SNX16: variants seen among roughly 807,000 people sequenced by gnomAD.
The protein encoded by SNX16 is sorting nexin 16.
Under a neutral mutation model 36.7 loss-of-function variants are expected in SNX16, and 35 were observed. The observed-to-expected ratio is 0.95, with a 90% confidence interval of 0.73 to 1.27. The LOEUF is 1.27. Ranked by LOEUF, SNX16 falls within the 50% of genes most tolerant of loss-of-function variation. The pLI is 0.00. For synonymous variants in SNX16, 134 were observed against 132.0 expected, an observed-to-expected ratio of 1.02 and a Z score of -0.10; for missense variants, 367 against 393.6, an observed-to-expected ratio of 0.93 and a Z score of 0.57.
chr8:81,826,075 A>G (rs1012178563), intron 3 of SNX16, among the ~76,000 whole-genome samples: 2 of 152,010 alleles, frequency 1.3e-5, no homozygotes, highest in African/African-American at 4.8e-5. Context: ...TTGTCCCACA[A>G]TTGGGTAATT....
At chr8:81,806,446 T>TCA (rs201933057) in intron 5 of SNX16, among the ~76,000 whole-genome samples, 36 of 151,132 alleles carry the variant, frequency 2.4e-4, no homozygotes, top group Non-Finnish European at 4.9e-4. Flanking sequence ...GTGAAAGCAT[T>TCA]CACACACACA....
At chr8:81,803,030 A>C in intron 6 of SNX16, 62 bp downstream of exon 6, 5 of 1,339,954 alleles carry the variant, frequency 3.7e-6, no homozygotes, top group Non-Finnish European at 4.9e-6. Flanking sequence ...TATAAAGGGC[A>C]GTTAGCCCAG....
At chr8:81,833,938 G>C (rs1356110124) in intron 2 of SNX16, among the ~76,000 whole-genome samples, 1 of 151,946 alleles carries the variant, frequency 6.6e-6, no homozygotes, top group Admixed American at 6.5e-5. Context: ...AGTTGTTTTT[G>C]AATTATAAAA....
rs538917854 is a variant in SNX16 at position 81,799,853 on chromosome 8, G to C, written c.*1644C>G. Reference sequence around the variant, plus strand: ...AGATACAGAATGGTACTGATTAAATGATTGTTCTTTTTAAGCCTTTTGTAA... The same window carrying C: ...AGATACAGAATGGTACTGATTAAATCATTGTTCTTTTTAAGCCTTTTGTAA... On this transcript the variant is annotated 3_prime_UTR_variant, in exon 8 of 8. Coordinates refer to ENST00000345957, the MANE Select transcript of SNX16 (RefSeq NM_152836.3). 1.4e-3 allele frequency: 207 copies of C among 151,912 alleles called. 1 individual carries two copies. The highest frequency in any genetic ancestry group is 4.8e-3 in the African/African-American group (199 of 41,518). 9.4% of individuals were successfully genotyped at this position (151,912 alleles called of 1,614,324 possible).
intron 4 of SNX16, among the ~76,000 whole-genome samples, chr8:81,819,553 T>C (rs747493204): frequency 1.3e-5 from 2 of 152,078 alleles, no homozygotes; most frequent in Non-Finnish European, 1.5e-5. Context: ...AAGTTCTCTT[T>C]TCCACCTTTA....
chr8:81,826,965 C>A (rs1355428186), intron 3 of SNX16, among the ~76,000 whole-genome samples: 1 of 152,006 alleles, frequency 6.6e-6, no homozygotes, highest in African/African-American at 2.4e-5. Flanking sequence ...AATGAAAAAT[C>A]CTAAGCTTTT....
chr8:81,808,588 T>C, intron 5 of SNX16: 4 of 971,130 alleles, frequency 4.1e-6, no homozygotes, highest in Admixed American at 3.4e-5. Context: ...TCTTCAAATT[T>C]TGGACCCATG....
intron 4 of SNX16, among the ~76,000 whole-genome samples, chr8:81,820,990 T>TA (rs1246401536): frequency 6.6e-6 from 1 of 151,286 alleles, no homozygotes; most frequent in South Asian, 2.1e-4. Flanking sequence ...CCATCACCTA[T>TA]AAAAAAGATA....
In SNX16 at chr8:81,830,710, A is replaced by G. The variant is rs376802381; in HGVS notation, c.376-1194T>C. On this transcript the variant is annotated intron_variant, in intron 2 of 7. Coordinates refer to ENST00000345957, the MANE Select transcript of SNX16 (RefSeq NM_152836.3). ...CTGCCCAAAGCAGTCTATAGATTCAATGGTATTCCTATCGAACTACCAACA... is the reference window on the plus strand; with the variant it reads ...CTGCCCAAAGCAGTCTATAGATTCAGTGGTATTCCTATCGAACTACCAACA... Among the ~76,000 whole-genome samples, 3 of 151,372 alleles carry G rather than the reference A, an allele frequency of 2.0e-5. No individual in the cohort carries two copies. In the East Asian group the frequency reaches 6.0e-4, roughly 30 times the overall value.
intron 1 of SNX16, chr8:81,840,300 T>A (rs1345733254): frequency 4.5e-6 from 1 of 221,700 alleles, no homozygotes; most frequent in Non-Finnish European, 8.9e-6. Flanking sequence ...TTACATGTTA[T>A]CCCTTTTTCC....
At chr8:81,817,665 T>G (rs1359347811) in intron 4 of SNX16, among the ~76,000 whole-genome samples, 1 of 152,152 alleles carries the variant, frequency 6.6e-6, no homozygotes, top group African/African-American at 2.4e-5. Context: ...ACTCAGTCAG[T>G]AAAGAAAGCA....
At chr8:81,816,868 T>C (rs1212135131) in intron 4 of SNX16, among the ~76,000 whole-genome samples, 1 of 152,180 alleles carries the variant, frequency 6.6e-6, no homozygotes, top group Non-Finnish European at 1.5e-5. Context: ...CTTTGGTTCA[T>C]TTGGATTCTC....
chr8:81,823,990 A>T, intron 3 of SNX16, 50 bp from the exon 4 acceptor site: 1 of 1,508,296 alleles, frequency 6.6e-7, no homozygotes, highest in East Asian at 2.3e-5. Flanking sequence ...AGCACTATCA[A>T]TTCTACAAAA....
At chr8:81,816,453 G>A in intron 4 of SNX16, among the ~76,000 whole-genome samples, 1 of 151,914 alleles carries the variant, frequency 6.6e-6, no homozygotes, top group East Asian at 1.9e-4. Context: ...GCCTTCCAAA[G>A]TGCTGGGATT....
intron 6 of SNX16, 55 bp downstream of exon 6, chr8:81,803,037 C>A: frequency 7.0e-7 from 1 of 1,423,738 alleles, no homozygotes; most frequent in South Asian, 1.7e-5. Flanking sequence ...GGCAGTTAGC[C>A]CAGAGTATTA....
chr8:81,826,933 T>C (rs980190617), intron 3 of SNX16, among the ~76,000 whole-genome samples: 4 of 152,202 alleles, frequency 2.6e-5, no homozygotes, highest in Non-Finnish European at 4.4e-5. Flanking sequence ...ATTTCATAAA[T>C]ACTTCATGAT....
intron 5 of SNX16, chr8:81,807,690 A>G (rs1161025251): frequency 1.8e-6 from 1 of 559,036 alleles, no homozygotes; most frequent in Non-Finnish European, 3.3e-6. Flanking sequence ...AATCAATTAA[A>G]AGATCTGAGG....
chr8:81,804,986 T>A (rs1262685213), intron 5 of SNX16, among the ~76,000 whole-genome samples: 1 of 151,484 alleles, frequency 6.6e-6, no homozygotes, highest in East Asian at 1.9e-4. Flanking sequence ...AAAAATGAGT[T>A]AAGATTAAAA....
At chr8:81,815,284 A>T in intron 5 of SNX16, 41 bp downstream of exon 5, 1 of 1,465,576 alleles carries the variant, frequency 6.8e-7, no homozygotes, top group Non-Finnish European at 9.5e-7. Flanking sequence ...GTACTGCATT[A>T]ATTGTTCCTC....
Sources: gnomAD v4.1 joint callset for allele counts (sites outside exome capture counted in the v4.1 genomes callset) on GRCh38, gnomAD v4.1.1 for gene constraint, MANE v1.5 for transcripts, NCBI Gene and HGNC (gene_info 2026-07-23, HGNC 2026-07-21) for gene names.